Variants in PSEN1 observed in about 807,000 individuals in gnomAD.
PSEN1 encodes presenilin-1.
Under a neutral mutation model 53.5 loss-of-function variants are expected in PSEN1, and 15 were observed. The ratio of observed to expected loss-of-function variants is 0.28; its 90% CI spans 0.19 to 0.43. The LOEUF is 0.43. Ranked by LOEUF, PSEN1 falls within the 20% of genes least tolerant of loss-of-function variation. The probability of loss-of-function intolerance (pLI) is 1.00; values close to 1 mark genes in which losing one functional copy is unlikely to be tolerated. For missense variants in PSEN1, 387 were observed against 571.2 expected (o/e 0.68, Z 3.29); for synonymous variants, 208 against 209.8 (o/e 0.99, Z 0.08).
Position 73,192,815 on chromosome 14 carries a change from C to T in PSEN1, c.720C>T (p.Tyr240=). Residue 240 remains tyrosine, a synonymous_variant, in exon 7 of 12, where the codon TAC becomes TAT. Transcript: ENST00000324501. ...TCATGGCCCTGGTGTTTATCAAGTA[C>T]CTCCCTGAATGGACTGCGTGGCTCA... ...SALMALVFIK[Y]LPEWTAWLIL... 6.2e-7 allele frequency: 1 copy of T among 1,613,932 alleles called. No homozygotes were observed. The highest frequency in any genetic ancestry group is 8.5e-7 in the Non-Finnish European group (1 of 1,179,892).
chr14:73,148,113 T>G lies in PSEN1; in HGVS notation c.87+7T>G, dbSNP rs1389294043. 1 of 1,606,508 alleles carries G rather than the reference T, an allele frequency of 6.2e-7. No homozygotes were observed. The highest frequency in any genetic ancestry group is 1.3e-5 in the African/African-American group (1 of 74,734). ...CAATACTGTACGTAGCCAGGTACAG[T>G]GTCAGTCTCTGAAACTGCCTTTGCC... is the stretch of plus-strand genomic sequence containing the variant. On this transcript the variant is annotated splice_region_variant and intron_variant, in intron 3 of 11. Transcript: ENST00000324501.
chr14:73,214,934 T>C (rs1369952969), intron 10 of PSEN1, among the ~76,000 whole-genome samples: 1 of 152,118 alleles, frequency 6.6e-6, no homozygotes, highest in Non-Finnish European at 1.5e-5. Context: ...GATGTTAAAC[T>C]TGATGGGTAT....
At chr14:73,179,661 TAGG>T (rs1045859455) in intron 5 of PSEN1, among the ~76,000 whole-genome samples, 4 of 152,146 alleles carry the variant, frequency 2.6e-5, no homozygotes, top group Non-Finnish European at 2.9e-5. Context: ...GTCTGGGTGT[TAGG>T]AGACCTCTTT....
chr14:73,140,746 G>A (rs1475209564), intron 1 of PSEN1, among the ~76,000 whole-genome samples: 1 of 152,118 alleles, frequency 6.6e-6, no homozygotes, highest in African/African-American at 2.4e-5. Flanking sequence ...TTACAGATAA[G>A]GGATTCTGGA....
At chr14:73,196,996 A>G (rs1409686714) in intron 7 of PSEN1, among the ~76,000 whole-genome samples, 3 of 141,966 alleles carry the variant, frequency 2.1e-5, no homozygotes, top group Admixed American at 7.4e-5. Flanking sequence ...GCAGTGGCGC[A>G]ATCTCGGCGC....
At chr14:73,148,746 A>G (rs1287159126) in intron 3 of PSEN1, among the ~76,000 whole-genome samples, 1 of 152,148 alleles carries the variant, frequency 6.6e-6, no homozygotes. Context: ...CAGCTTGGCC[A>G]ACATGGAGAA....
At chr14:73,198,679 T>C (rs1008297686) in intron 8 of PSEN1, among the ~76,000 whole-genome samples, 3 of 152,098 alleles carry the variant, frequency 2.0e-5, no homozygotes, top group African/African-American at 7.2e-5. Context: ...AAAGAGTTGA[T>C]CAGAGGATTC....
chr14:73,168,138 C>T (rs970825541), intron 3 of PSEN1: 3 of 152,144 alleles, frequency 2.0e-5, no homozygotes, highest in Admixed American at 6.6e-5. Flanking sequence ...GGTGGATCAC[C>T]TGGGGTCAGG....
intron 3 of PSEN1, among the ~76,000 whole-genome samples, chr14:73,155,504 CATT>C (rs905497239): frequency 6.6e-5 from 10 of 151,952 alleles, no homozygotes; most frequent in African/African-American, 1.9e-4. Context: ...TATATATTAT[CATT>C]ATTATTTTTT....
At chr14:73,202,437 TATATATATATATATATATATATA>T (rs1223324410) in intron 8 of PSEN1, among the ~76,000 whole-genome samples, 116 of 15,156 alleles carry the variant, frequency 7.7e-3, no homozygotes, top group Non-Finnish European at 0.012. Flanking sequence ...TATATATATA[TATATATATATATATATATATATA>T]TATTTTTTTT....
chr14:73,207,429 G>C (rs1242843867), intron 9 of PSEN1, among the ~76,000 whole-genome samples: 1 of 152,140 alleles, frequency 6.6e-6, no homozygotes, highest in African/African-American at 2.4e-5. Context: ...GTAAATATTG[G>C]TGAGGAAAAA....
chr14:73,185,831 G>A (rs1566637988), intron 5 of PSEN1, among the ~76,000 whole-genome samples: 2 of 152,098 alleles, frequency 1.3e-5, no homozygotes, highest in Admixed American at 6.6e-5. Context: ...TTACAGGCAT[G>A]AGTCACTGCG....
At chr14:73,188,200 T>C (rs1359012079) in intron 6 of PSEN1, among the ~76,000 whole-genome samples, 3 of 152,054 alleles carry the variant, frequency 2.0e-5, no homozygotes, top group African/African-American at 7.2e-5. Flanking sequence ...GTGCTGGAAT[T>C]AACAGGCCTG....
intron 5 of PSEN1, among the ~76,000 whole-genome samples, chr14:73,186,381 GAAA>G (rs1025371267): frequency 6.9e-6 from 1 of 144,730 alleles, no homozygotes; most frequent in Non-Finnish European, 1.5e-5. Context: ...CTCCGTCTCA[GAAA>G]AAAAAAAAGA....
At chr14:73,216,799 C>T (rs1899935476) in intron 10 of PSEN1, among the ~76,000 whole-genome samples, 1 of 151,894 alleles carries the variant, frequency 6.6e-6, no homozygotes, top group African/African-American at 2.4e-5. Flanking sequence ...AAAATGATGC[C>T]TATCTCAGAA....
chr14:73,209,852 T>G (rs1899606646), intron 9 of PSEN1, among the ~76,000 whole-genome samples: 1 of 152,196 alleles, frequency 6.6e-6, no homozygotes, highest in Admixed American at 6.5e-5. Context: ...GCAGGCTTCC[T>G]CAGTGAGAAT....
chr14:73,213,556 A>G (rs991732321), intron 10 of PSEN1, among the ~76,000 whole-genome samples: 3 of 152,244 alleles, frequency 2.0e-5, no homozygotes, highest in Admixed American at 1.3e-4. Flanking sequence ...TGATGGTGTG[A>G]GCATGTTAAA....
At chr14:73,218,086 CTTT>C (rs58637970) in intron 11 of PSEN1, among the ~76,000 whole-genome samples, 1 of 97,894 alleles carries the variant, frequency 1.0e-5, no homozygotes, top group African/African-American at 4.4e-5. Context: ...CCGCACCTGG[CTTT>C]TTTTTTTTTT....
intron 5 of PSEN1, among the ~76,000 whole-genome samples, chr14:73,176,986 G>A (rs1025412557): frequency 5.3e-5 from 8 of 151,974 alleles, no homozygotes; most frequent in African/African-American, 1.7e-4. Flanking sequence ...TCCTTTGGTC[G>A]TATCTGCTGA....
Sources: allele counts gnomAD v4.1 joint callset (sites outside exome capture counted in the v4.1 genomes callset), GRCh38; gene constraint gnomAD v4.1.1; transcripts MANE v1.5; gene names NCBI Gene and HGNC (gene_info 2026-07-23, HGNC 2026-07-21).